The following SMURF2 variants were observed in gnomAD, a reference collection of about 807,000 sequenced individuals.
SMURF2 encodes SMAD specific E3 ubiquitin protein ligase 2.
SMURF2 carries 48 observed loss-of-function variants against 109.6 expected under a neutral mutation model. The ratio of observed to expected loss-of-function variants is 0.44; its 90% CI spans 0.35 to 0.56. The LOEUF is 0.56. Among genes scored for constraint, SMURF2 ranks in the 20% least tolerant of loss-of-function variants. SMURF2 has a pLI of 0.01. For missense variants in SMURF2, 575 were observed against 909.0 expected (o/e 0.63, Z 4.72); for synonymous variants, 288 against 317.1 (o/e 0.91, Z 0.97).
At chr17:64,640,069 C>T (rs1357589369) in intron 1 of SMURF2, among the ~76,000 whole-genome samples, 6 of 152,168 alleles carry the variant, frequency 3.9e-5, no homozygotes, top group Non-Finnish European at 8.8e-5. Context: ...TTCAGATTTA[C>T]AGATCTTTAG....
chr17:64,638,661 C>G (rs1329990718), intron 1 of SMURF2, among the ~76,000 whole-genome samples: 1 of 152,322 alleles, frequency 6.6e-6, no homozygotes, highest in Non-Finnish European at 1.5e-5. Context: ...CCCAGACTGG[C>G]TTTTGACATC....
At position 64,542,287 on chromosome 17, in the gene SMURF2, T is replaced by TA. The variant is rs782277520; in HGVS notation, c.*3560dup. The stretch of plus-strand genomic sequence containing the variant: ...GATTCATTACAAACTCAATATTCTT[T>TA]AAAAACGTTGATGCTGTGACAGTGC... On this transcript the variant is annotated 3_prime_UTR_variant, in exon 19 of 19. Transcript: ENST00000262435. 1 of 152,218 alleles carries TA rather than the reference T, an allele frequency of 6.6e-6. No homozygotes were observed. The highest frequency in any genetic ancestry group is 2.4e-5 in the African/African-American group (1 of 41,448). The allele number at this position is 152,218 out of a possible 1,614,324, so 9.4% of individuals were successfully genotyped here. A position where few individuals can be genotyped will look rare whatever the true frequency, so the allele number is the denominator to read the frequency against.
At chr17:64,569,437 T>A (rs782245046) in intron 10 of SMURF2, among the ~76,000 whole-genome samples, 2 of 151,858 alleles carry the variant, frequency 1.3e-5, no homozygotes, top group East Asian at 1.9e-4. Flanking sequence ...ATTAGAAAAA[T>A]AGGCAAAAAA....
chr17:64,578,778 T>C (rs1189528685), intron 8 of SMURF2, among the ~76,000 whole-genome samples: 1 of 152,252 alleles, frequency 6.6e-6, no homozygotes, highest in East Asian at 1.9e-4. Context: ...ACAGGCCAGC[T>C]ATCCATAAAC....
At chr17:64,638,265 C>T (rs1970449710) in intron 1 of SMURF2, among the ~76,000 whole-genome samples, 1 of 152,090 alleles carries the variant, frequency 6.6e-6, no homozygotes, top group African/African-American at 2.4e-5. Flanking sequence ...GGGGTTTCAC[C>T]ATGGTGGCCA....
At position 64,542,510 on chromosome 17, in the gene SMURF2, G is replaced by A. The variant is rs1437684509; in HGVS notation, c.*3338C>T. 3 of 152,140 alleles carry A rather than the reference G, an allele frequency of 2.0e-5. No homozygotes were observed. The highest frequency in any genetic ancestry group is 4.4e-5 in the Non-Finnish European group (3 of 68,012). 9.4% of individuals were successfully genotyped at this position (152,140 alleles called of 1,614,324 possible). ...AACTTTGTTTTTAAAGTCAGTCTGA[G>A]AGAAGAATATTACATAAAGTGAACT... On this transcript the variant is annotated 3_prime_UTR_variant, in exon 19 of 19. Coordinates refer to ENST00000262435, the MANE Select transcript of SMURF2 (RefSeq NM_022739.4).
Position 64,598,386 on chromosome 17 carries a change from C to A in SMURF2, c.196G>T (p.Asp66Tyr). 1.3e-6 allele frequency: 2 copies of A among 1,597,942 alleles called. No individual in the cohort carries two copies. Among genetic ancestry groups the A allele is most frequent in the South Asian group, 1.1e-5 (1 of 87,856 alleles). Reference sequence around the variant, plus strand: ...AAACTAATTGTTGAAACCTACAGGTCATAATGCTGATTCCACTTTGGATCA... The same window carrying A: ...AAACTAATTGTTGAAACCTACAGGTAATAATGCTGATTCCACTTTGGATCA... ...TLDPKWNQHY[D>Y]LYIGKSDSVT... Residue 66 changes from aspartate (D) to tyrosine (Y), a missense_variant, in exon 3 of 19, where the codon GAC becomes TAC. Asp to Tyr is a radical substitution (Grantham distance 160, BLOSUM62 -3). Coordinates refer to ENST00000262435, the MANE Select transcript of SMURF2 (RefSeq NM_022739.4).
At position 64,555,837 on chromosome 17, in the gene SMURF2, G is replaced by A. The variant is rs782007671; in HGVS notation, c.1593C>T (p.Asn531=). 6.2e-7 allele frequency: 1 copy of A among 1,612,040 alleles called. No homozygotes were observed. Among genetic ancestry groups the A allele is most frequent in the Non-Finnish European group, 8.5e-7 (1 of 1,178,624 alleles). The change falls in exon 14 of 19, where the codon AAC becomes AAT. Residue 531 remains asparagine (N), a synonymous_variant. Transcript: ENST00000262435. ...DMELVDPDLH[N]SLVWILENDI... is the part of the protein sequence containing the mutation. ...ATACATACAGTATCCACACTAAACT[G>A]TTGTGAAGATCCGGATCTACTAACT...
At position 64,547,732 on chromosome 17, in the gene SMURF2, TAC is replaced by T. The variant is rs1317302247; in HGVS notation, c.1937_1938del (p.Cys646TyrfsTer18). ...DWKVNTRLKH[C>X]TPDSNIVKWF... Reference sequence around the variant, plus strand: ...CATTTGACAATGTTGCTGTCTGGTGTACAGTGTTTTAACCGGGTGTTTACCTT... The same window carrying T: ...CATTTGACAATGTTGCTGTCTGGTGTAGTGTTTTAACCGGGTGTTTACCTT... On this transcript the variant is annotated frameshift_variant, in exon 17 of 19. Coordinates refer to ENST00000262435, the MANE Select transcript of SMURF2 (RefSeq NM_022739.4). LOFTEE classifies it high-confidence loss of function. This position sits in a 1 kb window ranked among gnomAD's most constrained non-coding sequence, Gnocchi z 4.2. 1 of 1,614,124 alleles carries T rather than the reference TAC, an allele frequency of 6.2e-7. No individual in the cohort carries two copies. The highest frequency in any genetic ancestry group is 2.2e-5 in the East Asian group (1 of 44,906).
At chr17:64,620,422 C>T (rs1970186102) in intron 1 of SMURF2, among the ~76,000 whole-genome samples, 1 of 152,204 alleles carries the variant, frequency 6.6e-6, no homozygotes. Flanking sequence ...AAATCCTTCA[C>T]TCAAGCAGTG....
In SMURF2 at chr17:64,546,314, G is replaced by C. The variant is rs369610090; in HGVS notation, c.2096C>G (p.Thr699Ser). The C allele has an allele frequency of 1.2e-6, 2 of 1,613,872 alleles. No individual in the cohort carries two copies. Among genetic ancestry groups the C allele is most frequent in the African/African-American group, 1.3e-5 (1 of 74,910 alleles). The change falls in exon 18 of 19, where the codon ACC becomes AGC. Residue 699 changes from threonine to serine, a missense_variant. Transcript: ENST00000262435. ...LQGAAGPRLF[T>S]IHQIDACTNN... is the part of the protein sequence containing the mutation. ...AGTGCAGGCATCAATCTGGTGTATGGTAAAGAGTCTCGGGCCTGCAGCACC... is the reference window on the plus strand; with the variant it reads ...AGTGCAGGCATCAATCTGGTGTATGCTAAAGAGTCTCGGGCCTGCAGCACC...
At chr17:64,595,485 G>A (rs1423799043) in intron 3 of SMURF2, among the ~76,000 whole-genome samples, 1 of 152,140 alleles carries the variant, frequency 6.6e-6, no homozygotes, top group Admixed American at 6.5e-5. Context: ...TTAAAACTTT[G>A]ACTTACTAAC....
intron 1 of SMURF2, among the ~76,000 whole-genome samples, chr17:64,617,852 A>G (rs1311251819): frequency 2.6e-5 from 4 of 152,136 alleles, no homozygotes; most frequent in African/African-American, 9.7e-5. Flanking sequence ...TTTTTTCAAC[A>G]AAGATGAAGA....
rs541935231 is a variant in SMURF2, at chr17:64,610,474, G to A, written c.53-3834C>T. On this transcript the variant is annotated intron_variant, in intron 1 of 18. Coordinates refer to ENST00000262435, the MANE Select transcript of SMURF2 (RefSeq NM_022739.4). ...CCTTTGCAGGGACATGGATGAGGCC[G>A]GAAAGCATCATTCTCAGCAAACTAA... Among the ~76,000 whole-genome samples the A allele has an allele frequency of 2.0e-4, 30 of 152,194 alleles. 1 individual carries two copies. The South Asian group carries it at 5.8e-3, about 29-fold the overall frequency.
intron 1 of SMURF2, among the ~76,000 whole-genome samples, chr17:64,621,229 C>T (rs187552179): frequency 2.8e-4 from 43 of 152,250 alleles, no homozygotes; most frequent in Admixed American, 2.5e-3. Context: ...TTTCCAAATA[C>T]GCTCCATTTG....
chr17:64,576,477 A>G (rs1969492626), intron 9 of SMURF2, among the ~76,000 whole-genome samples: 1 of 151,908 alleles, frequency 6.6e-6, no homozygotes, highest in Admixed American at 6.6e-5. Flanking sequence ...AAGCCTGGAC[A>G]ACATGGCAAA....
At chr17:64,576,985 G>A (rs531381595) in intron 9 of SMURF2, among the ~76,000 whole-genome samples, 5 of 144,834 alleles carry the variant, frequency 3.5e-5, no homozygotes, top group Non-Finnish European at 6.0e-5. Context: ...CTTTAGCCTC[G>A]CGAGCAGCTG....
At chr17:64,624,499 T>G (rs1486025042) in intron 1 of SMURF2, among the ~76,000 whole-genome samples, 1 of 124,332 alleles carries the variant, frequency 8.0e-6, no homozygotes, top group Admixed American at 8.6e-5. Flanking sequence ...ATGCCAGGCC[T>G]CTACAAAAAA....
chr17:64,577,588 A>AG (rs1209672553), intron 9 of SMURF2, among the ~76,000 whole-genome samples: 1 of 142,040 alleles, frequency 7.0e-6, no homozygotes, highest in African/African-American at 2.7e-5. Flanking sequence ...TAAAACACTA[A>AG]AAAAAAAAAA....
Sources: allele counts gnomAD v4.1 joint callset (sites outside exome capture counted in the v4.1 genomes callset), GRCh38; gene constraint gnomAD v4.1.1; non-coding constraint Gnocchi (gnomAD v3.1); transcripts MANE v1.5; gene names NCBI Gene and HGNC (gene_info 2026-07-23, HGNC 2026-07-21).